ASTN1: variants seen among roughly 807,000 people sequenced by gnomAD.
ASTN1 encodes the protein astrotactin-1.
ASTN1 carries 41 observed loss-of-function variants against 140.7 expected under a neutral mutation model. That is an observed-to-expected ratio of 0.29 (90% CI 0.23 to 0.38). The LOEUF (loss-of-function observed/expected upper bound fraction) is 0.38. ASTN1 is among the 10% of genes least tolerant of loss of function. The pLI is 1.00. For missense variants in ASTN1, 1,479 were observed against 1,678.8 expected, an observed-to-expected ratio of 0.88 and a Z score of 2.08; for synonymous variants, 640 against 652.2, an observed-to-expected ratio of 0.98 and a Z score of 0.29.
downstream of ASTN1, among the ~76,000 whole-genome samples, chr1:176,858,053 A>T (rs1323778263): frequency 1.3e-5 from 2 of 152,170 alleles, no homozygotes. Flanking sequence ...ACTGAGAAAG[A>T]TAGTAAGGAA....
intron 7 of ASTN1, 90 bp from the exon 8 acceptor site, chr1:177,014,965 G>C (rs1374297109): frequency 3.1e-5 from 37 of 1,184,028 alleles, no homozygotes; most frequent in Non-Finnish European, 4.1e-5. Context: ...AAATAGTCAG[G>C]GTAAACTCTT....
chr1:176,956,579 A>G (rs1378517561), intron 11 of ASTN1, among the ~76,000 whole-genome samples: 6 of 152,204 alleles, frequency 3.9e-5, no homozygotes, highest in Non-Finnish European at 8.8e-5. Context: ...CTCCTGCTCC[A>G]ACCGCCAATC....
chr1:176,883,536 G>C (rs955822032), intron 19 of ASTN1, among the ~76,000 whole-genome samples: 3 of 152,206 alleles, frequency 2.0e-5, no homozygotes, highest in African/African-American at 7.2e-5. Flanking sequence ...GACAGAGATA[G>C]CATTCTGGTC....
Position 176,864,329 on chromosome 1 carries a change from G to T in ASTN1, c.3840C>A (p.Thr1280=). The change falls in exon 23 of 23, where the codon ACC becomes ACA. Residue 1280 remains threonine (T), a synonymous_variant. Transcript: ENST00000361833. ...CATAGTCGTTGTAGGGGATACTCAG[G>T]GTCTGCTCCTCACACGTCTTCCTGA... ...RDLRKTCEEQ[T]LSIPYNDYGD... 1 of 1,614,048 alleles carries T rather than the reference G, an allele frequency of 6.2e-7. No individual in the cohort carries two copies. Among genetic ancestry groups the T allele is most frequent in the Non-Finnish European group, 8.5e-7 (1 of 1,180,012 alleles).
intron 14 of ASTN1, among the ~76,000 whole-genome samples, chr1:176,938,063 C>T (rs1671523519): frequency 6.6e-6 from 1 of 152,116 alleles, no homozygotes; most frequent in South Asian, 2.1e-4. Flanking sequence ...TTATCTTAGG[C>T]AATCAAAGGT....
At chr1:177,008,316 C>T (rs866909614) in intron 8 of ASTN1, among the ~76,000 whole-genome samples, 1 of 150,140 alleles carries the variant, frequency 6.7e-6, no homozygotes, top group African/African-American at 2.5e-5. Flanking sequence ...CACAGAAAAA[C>T]GTAAGAGAAA....
chr1:177,110,170 A>G (rs1312867840), intron 1 of ASTN1, among the ~76,000 whole-genome samples: 1 of 152,206 alleles, frequency 6.6e-6, no homozygotes, highest in Non-Finnish European at 1.5e-5. Flanking sequence ...GTGTGAAAAA[A>G]TATTAATTGG....
At chr1:176,934,006 G>A in intron 16 of ASTN1, 146 bp downstream of exon 16, 2 of 872,250 alleles carry the variant, frequency 2.3e-6, no homozygotes, top group Non-Finnish European at 3.2e-6. Context: ...ACCAAACCTT[G>A]GAAATGTTAC....
At chr1:176,888,228 A>AT in intron 17 of ASTN1, 24 bp from the exon 18 acceptor site, 1 of 1,613,042 alleles carries the variant, frequency 6.2e-7, no homozygotes, top group East Asian at 2.2e-5. Flanking sequence ...CAGGGAAAAG[A>AT]TTGAGTGTTG....
At chr1:177,096,652 C>A (rs1035891334) in intron 1 of ASTN1, among the ~76,000 whole-genome samples, 2 of 152,112 alleles carry the variant, frequency 1.3e-5, no homozygotes, top group Admixed American at 1.3e-4. Context: ...GAAAAAGTCT[C>A]ATGAGATCTG....
chr1:177,000,272 T>G (rs1284859917), intron 8 of ASTN1, among the ~76,000 whole-genome samples: 2 of 152,162 alleles, frequency 1.3e-5, no homozygotes, highest in African/African-American at 2.4e-5. Context: ...AGCACAAGCT[T>G]AGCTTAGAAT....
chr1:177,058,201 A>G (rs1205173918), intron 2 of ASTN1, among the ~76,000 whole-genome samples: 1 of 152,002 alleles, frequency 6.6e-6, no homozygotes, highest in East Asian at 1.9e-4. Context: ...GGTAGGGAGG[A>G]AATATTTATA....
intron 14 of ASTN1, among the ~76,000 whole-genome samples, chr1:176,937,772 G>A (rs1671511857): frequency 6.6e-6 from 1 of 152,094 alleles, no homozygotes; most frequent in Non-Finnish European, 1.5e-5. Context: ...TGCATAGAAT[G>A]TGTGGTGTGT....
chr1:176,907,057 G>C (rs2103054753), intron 16 of ASTN1, among the ~76,000 whole-genome samples: 1 of 152,292 alleles, frequency 6.6e-6, no homozygotes, highest in East Asian at 1.9e-4. Flanking sequence ...AGGGATGCCA[G>C]AGCAGAGGGA....
In ASTN1 at chr1:176,862,615, G is replaced by A. The variant is rs1048662673; in HGVS notation, c.*1669C>T. The A allele has an allele frequency of 7.2e-6, 7 of 975,996 alleles. No homozygotes were observed. Among genetic ancestry groups the A allele is most frequent in the Non-Finnish European group, 8.5e-6 (7 of 821,540 alleles). The allele number at this position is 975,996 out of a possible 1,614,324, so 60.5% of individuals were successfully genotyped here. The stretch of plus-strand genomic sequence containing the variant: ...CCTGTGCCCTGGAGACCAACAGCCT[G>A]AAATCACACTGAAACTCAGTGTGAG... On this transcript the variant is annotated 3_prime_UTR_variant, in exon 23 of 23. Transcript: ENST00000361833.
chr1:177,026,888 G>A (rs1257835322), intron 5 of ASTN1, among the ~76,000 whole-genome samples: 1 of 152,106 alleles, frequency 6.6e-6, no homozygotes, highest in African/African-American at 2.4e-5. Flanking sequence ...TATCCTGCAT[G>A]TTGTCCCTGG....
chr1:176,945,814 G>A (rs1671931179), intron 13 of ASTN1, 112 bp downstream of exon 13: 3 of 1,087,596 alleles, frequency 2.8e-6, no homozygotes, highest in Non-Finnish European at 3.9e-6. Context: ...TATCCCTTTA[G>A]ACATATCATA....
At chr1:176,865,862 CAA>C (rs905733298) in intron 22 of ASTN1, among the ~76,000 whole-genome samples, 15 of 152,280 alleles carry the variant, frequency 9.9e-5, no homozygotes, top group Middle Eastern at 3.4e-3. Flanking sequence ...TGGCAGCAGA[CAA>C]GAGAAGAGAG....
rs187633534 is a variant in ASTN1, at chr1:177,071,570, C to T, written c.284-10305G>A. 2.0e-5 allele frequency among the ~76,000 whole-genome samples: 3 copies of T among 152,272 alleles called. No homozygotes were observed. The East Asian group carries it at 5.8e-4, about 29-fold the overall frequency. On this transcript the variant is annotated intron_variant, in intron 1 of 22. Coordinates refer to ENST00000361833, the MANE Select transcript of ASTN1 (RefSeq NM_004319.3). The stretch of plus-strand genomic sequence containing the variant: ...CTTTCCACCCCATTCCTACAGAGGC[C>T]TAAGCTTACCTTGCTGACCCTGAGC...
Sources: gnomAD v4.1 joint callset for allele counts (sites outside exome capture counted in the v4.1 genomes callset) on GRCh38, gnomAD v4.1.1 for gene constraint, MANE v1.5 for transcripts, NCBI Gene and HGNC (gene_info 2026-07-23, HGNC 2026-07-21) for gene names.